The following BCL10 variants were observed in gnomAD, a reference collection of about 807,000 sequenced individuals.
BCL10 encodes the protein B-cell lymphoma/leukemia 10.
A neutral mutation model predicts 19.2 loss-of-function variants in BCL10; 5 were observed. The observed-to-expected ratio is 0.26, with a 90% CI of 0.14 to 0.55. The LOEUF is 0.55. BCL10 is among the 20% of genes least tolerant of loss of function. BCL10 has a pLI of 0.94. For missense variants in BCL10, 201 were observed against 271.9 expected (o/e 0.74, Z 1.83); for synonymous variants, 110 against 98.8 (o/e 1.11, Z -0.67).
Position 85,267,595 on chromosome 1 carries a change from G to A in BCL10, c.*32C>T. ...AGTCATATTCTTTAAAACATTTTTT[G>A]TCATCATTAAAAATTAAAAGGCAAT... is the stretch of plus-strand genomic sequence containing the variant. On this transcript the variant is annotated 3_prime_UTR_variant, in exon 3 of 3. Transcript: ENST00000648566. 2 of 1,489,306 alleles carry A rather than the reference G, an allele frequency of 1.3e-6. No individual in the cohort carries two copies. The highest frequency in any genetic ancestry group is 1.8e-6 in the Non-Finnish European group (2 of 1,105,558). 92.3% of individuals were successfully genotyped at this position (1,489,306 alleles called of 1,614,324 possible).
At chr1:85,274,730 A>G (rs1570338997) in intron 1 of BCL10, among the ~76,000 whole-genome samples, 3 of 152,246 alleles carry the variant, frequency 2.0e-5, no homozygotes, top group Non-Finnish European at 4.4e-5. Context: ...GAAAAGTCCA[A>G]ATATGTGGAT....
At chr1:85,268,730 T>C (rs939160113) in intron 2 of BCL10, among the ~76,000 whole-genome samples, 4 of 142,606 alleles carry the variant, frequency 2.8e-5, no homozygotes, top group African/African-American at 1.1e-4. Context: ...ATCATGCCAT[T>C]GCACTCCAGC....
At chr1:85,276,249 G>A in intron 1 of BCL10, 47 bp downstream of exon 1, 1 of 1,589,606 alleles carries the variant, frequency 6.3e-7, no homozygotes, top group Middle Eastern at 1.7e-4. Context: ...TCTCCCGCTG[G>A]GCTGCAGCCC....
At chr1:85,270,983 C>T in intron 1 of BCL10, 77 bp from the exon 2 acceptor site, 4 of 1,415,542 alleles carry the variant, frequency 2.8e-6, no homozygotes, top group Non-Finnish European at 3.9e-6. Context: ...AGTTGGCAGT[C>T]TTAGCTGGTG....
chr1:85,270,413 C>T (rs1418187826), intron 2 of BCL10, among the ~76,000 whole-genome samples: 3 of 152,208 alleles, frequency 2.0e-5, no homozygotes, highest in Non-Finnish European at 4.4e-5. Flanking sequence ...GCTGGAAACA[C>T]AGGTATGCAC....
At chr1:85,276,135 G>A (rs925046044) in intron 1 of BCL10, among the ~76,000 whole-genome samples, 161 bp downstream of exon 1, 16 of 152,232 alleles carry the variant, frequency 1.1e-4, no homozygotes, top group African/African-American at 3.6e-4. Flanking sequence ...TGCCACCAAG[G>A]TCCCTCGGAT....
chr1:85,270,560 C>A (rs1465302440), intron 2 of BCL10, 58 bp downstream of exon 2: 4 of 1,508,686 alleles, frequency 2.7e-6, no homozygotes, highest in Non-Finnish European at 3.6e-6. Flanking sequence ...GCCTGCTCTG[C>A]ATTTTTTAAA....
intron 2 of BCL10, among the ~76,000 whole-genome samples, chr1:85,270,155 C>T (rs1217786376): frequency 6.6e-6 from 1 of 152,206 alleles, no homozygotes; most frequent in Non-Finnish European, 1.5e-5. Context: ...AATACAAATA[C>T]AGGATATTGA....
intron 1 of BCL10, among the ~76,000 whole-genome samples, chr1:85,273,648 T>A (rs1029313506): frequency 4.6e-5 from 7 of 152,218 alleles, no homozygotes; most frequent in African/African-American, 1.7e-4. Flanking sequence ...TCAACTCCCA[T>A]GTTCAATCCA....
At chr1:85,274,780 TATC>T (rs1660469796) in intron 1 of BCL10, among the ~76,000 whole-genome samples, 1 of 152,138 alleles carries the variant, frequency 6.6e-6, no homozygotes, top group Non-Finnish European at 1.5e-5. Context: ...ATTTTGAAAA[TATC>T]ATGAAAAAAA....
At chr1:85,268,768 CAAAAAAAAAAAAA>C (rs57560275) in intron 2 of BCL10, among the ~76,000 whole-genome samples, 2 of 67,088 alleles carry the variant, frequency 3.0e-5, no homozygotes, top group African/African-American at 5.0e-5. Context: ...GACTCCGTCT[CAAAAAAAAAAAAA>C]AAAAAAGAGA....
chr1:85,270,604 T>G lies in BCL10; in HGVS notation c.346+14A>C. On this transcript the variant is annotated intron_variant, in intron 2 of 2. Coordinates refer to ENST00000648566, the MANE Select transcript of BCL10 (RefSeq NM_003921.5). ...TACATTTAAATTAGCTCTTAGATAATTAAGATATCTTACCTTTCAGATGTT... is the reference window on the plus strand; with the variant it reads ...TACATTTAAATTAGCTCTTAGATAAGTAAGATATCTTACCTTTCAGATGTT... The G allele has an allele frequency of 6.3e-7, 1 of 1,581,656 alleles. No homozygotes were observed. Among genetic ancestry groups the G allele is most frequent in the East Asian group, 2.2e-5 (1 of 44,726 alleles).
intron 1 of BCL10, among the ~76,000 whole-genome samples, chr1:85,271,451 G>A (rs1660369037): frequency 6.6e-6 from 1 of 152,156 alleles, no homozygotes; most frequent in African/African-American, 2.4e-5. Context: ...CTAACTCAGT[G>A]AATCAGTCTT....
At chr1:85,275,797 T>C (rs1042754524) in intron 1 of BCL10, among the ~76,000 whole-genome samples, 5 of 152,216 alleles carry the variant, frequency 3.3e-5, no homozygotes, top group African/African-American at 9.7e-5. Flanking sequence ...GGCGTCTGCT[T>C]ACTAGGGGAA....
chr1:85,275,298 G>A (rs963417358), intron 1 of BCL10, among the ~76,000 whole-genome samples: 1 of 152,172 alleles, frequency 6.6e-6, no homozygotes, highest in African/African-American at 2.4e-5. Flanking sequence ...CATATAGCAA[G>A]TGCTCCATAA....
At position 85,269,649 on chromosome 1, in the gene BCL10, T is replaced by A. The variant is rs114752224; in HGVS notation, c.346+969A>T. Among the ~76,000 whole-genome samples the A allele has an allele frequency of 4.6e-3, 703 of 152,362 alleles. 1 individual carries two copies. Among genetic ancestry groups the A allele is most frequent in the African/African-American group, 0.016 (653 of 41,586 alleles). On this transcript the variant is annotated intron_variant, in intron 2 of 2. Transcript: ENST00000648566. The stretch of plus-strand genomic sequence containing the variant: ...AGGGCAGAGCCCTAAATTATTCTTT[T>A]CTGTATCCCTAATGCCTAGAAGAGC...
chr1:85,274,905 A>G (rs1288615008), intron 1 of BCL10, among the ~76,000 whole-genome samples: 1 of 152,244 alleles, frequency 6.6e-6, no homozygotes, highest in Non-Finnish European at 1.5e-5. Context: ...AATCCTGAAG[A>G]CAGATAACAT....
intron 2 of BCL10, 102 bp downstream of exon 2, chr1:85,270,516 C>T: frequency 9.4e-7 from 1 of 1,058,284 alleles, no homozygotes; most frequent in Non-Finnish European, 1.4e-6. Flanking sequence ...TCAAGCAATC[C>T]TCCTGCCTTG....
rs1660182992 is a variant in BCL10 at position 85,266,141 on chromosome 1, A to C, written c.*1486T>G. 1 of 187,110 alleles carries C rather than the reference A, an allele frequency of 5.3e-6. No individual in the cohort carries two copies. Among genetic ancestry groups the C allele is most frequent in the Admixed American group, 6.2e-5 (1 of 16,120 alleles). The allele number at this position is 187,110 out of a possible 1,614,324, so 11.6% of individuals were successfully genotyped here. On this transcript the variant is annotated 3_prime_UTR_variant, in exon 3 of 3. Transcript: ENST00000648566. ...ATTCATCAGTCCATCCAGAAATGCA[A>C]CTCAATCTCACAACCTGAAGTAATG...
Sources: gnomAD v4.1 joint callset for allele counts (sites outside exome capture counted in the v4.1 genomes callset) on GRCh38, gnomAD v4.1.1 for gene constraint, MANE v1.5 for transcripts, NCBI Gene and HGNC (gene_info 2026-07-23, HGNC 2026-07-21) for gene names.